Variants in THSD7A observed in about 807,000 individuals in gnomAD.
The protein encoded by THSD7A is thrombospondin type-1 domain-containing protein 7A.
Under a neutral mutation model 231.3 loss-of-function variants are expected in THSD7A, and 96 were observed. The ratio of observed to expected loss-of-function variants is 0.41; its 90% CI spans 0.35 to 0.49. The LOEUF (loss-of-function observed/expected upper bound fraction) is 0.49, where lower values mean the gene tolerates loss of function less well. THSD7A is among the 20% of genes least tolerant of loss of function. THSD7A has a pLI of 0.05. For missense variants in THSD7A, 2,290 were observed against 2,070.2 expected (o/e 1.11, Z -2.06); for synonymous variants, 940 against 743.3 (o/e 1.26, Z -4.30).
At chr7:11,398,049 G>A (rs1783256637) in intron 23 of THSD7A, among the ~76,000 whole-genome samples, 1 of 152,078 alleles carries the variant, frequency 6.6e-6, no homozygotes, top group Non-Finnish European at 1.5e-5. Flanking sequence ...TATACACAAA[G>A]GATTATAAAT....
chr7:11,611,294 T>C (rs1166524363), intron 2 of THSD7A, among the ~76,000 whole-genome samples: 3 of 152,054 alleles, frequency 2.0e-5, no homozygotes, highest in Non-Finnish European at 4.4e-5. Flanking sequence ...GATGACACTT[T>C]TACATATATG....
chr7:11,426,084 A>G (rs948933484), intron 15 of THSD7A, among the ~76,000 whole-genome samples: 1 of 150,624 alleles, frequency 6.6e-6, no homozygotes, highest in Non-Finnish European at 1.5e-5. Context: ...TAAAAAAAAA[A>G]TGCACTGTTG....
intron 1 of THSD7A, among the ~76,000 whole-genome samples, chr7:11,793,458 C>G (rs1784020965): frequency 6.6e-6 from 1 of 151,362 alleles, no homozygotes; most frequent in Non-Finnish European, 1.5e-5. Flanking sequence ...AATAAATAAG[C>G]AAAAACTGAA....
At chr7:11,730,466 C>T (rs948859381) in intron 1 of THSD7A, among the ~76,000 whole-genome samples, 4 of 151,286 alleles carry the variant, frequency 2.6e-5, no homozygotes, top group Non-Finnish European at 5.9e-5. Context: ...ACAGTTAAAG[C>T]GTTATTTACG....
In THSD7A at chr7:11,723,450, A is replaced by C. The variant is rs1199857195; in HGVS notation, c.191-86489T>G. 2.0e-5 allele frequency among the ~76,000 whole-genome samples: 3 copies of C among 152,072 alleles called. No individual in the cohort carries two copies. The East Asian group carries it at 5.9e-4, about 30-fold the overall frequency. On this transcript the variant is annotated intron_variant, in intron 1 of 27. Coordinates refer to ENST00000423059, the MANE Select transcript of THSD7A (RefSeq NM_015204.3). ...TGTAACAAACCTGCACACTGTGCAC[A>C]TGTACCCTAAAACTTAAAGTATAAT...
intron 6 of THSD7A, among the ~76,000 whole-genome samples, chr7:11,524,179 G>A (rs1788381136): frequency 6.6e-6 from 1 of 152,064 alleles, no homozygotes; most frequent in African/African-American, 2.4e-5. Context: ...ATTGTACCCT[G>A]GCTCTGTGGT....
chr7:11,657,980 T>C (rs988919879), intron 1 of THSD7A, among the ~76,000 whole-genome samples: 3 of 151,696 alleles, frequency 2.0e-5, no homozygotes, highest in Non-Finnish European at 2.9e-5. Flanking sequence ...GTCAAGGTTA[T>C]AGAACACTCA....
chr7:11,451,238 G>T lies in THSD7A; in HGVS notation c.2606-3814C>A, dbSNP rs137930370. 3.3e-5 allele frequency among the ~76,000 whole-genome samples: 5 copies of T among 152,134 alleles called. No homozygotes were observed. In the East Asian group the frequency reaches 9.7e-4, roughly 29 times the overall value. On this transcript the variant is annotated intron_variant, in intron 11 of 27. Transcript: ENST00000423059. The stretch of plus-strand genomic sequence containing the variant: ...AAATACACGAACCAAATGCAACGTG[G>T]AGACCTTTTGGAACCTCAGTTTGAA...
chr7:11,389,962 G>C (rs924833284), intron 23 of THSD7A, among the ~76,000 whole-genome samples: 14 of 152,308 alleles, frequency 9.2e-5, no homozygotes, highest in Non-Finnish European at 1.6e-4. Context: ...CTGGCTTGCA[G>C]GGTTTCTGCA....
chr7:11,747,578 C>T (rs1237740666), intron 1 of THSD7A, among the ~76,000 whole-genome samples: 1 of 151,854 alleles, frequency 6.6e-6, no homozygotes, highest in Non-Finnish European at 1.5e-5. Context: ...ACACGTCAAG[C>T]TCTGTGTTGG....
chr7:11,754,234 T>C (rs551653692), intron 1 of THSD7A, among the ~76,000 whole-genome samples: 45 of 151,784 alleles, frequency 3.0e-4, no homozygotes, highest in Non-Finnish European at 6.3e-4. Context: ...CTCTGAAAAA[T>C]AGAGAATATC....
chr7:11,728,953 T>C (rs1781634428), intron 1 of THSD7A, among the ~76,000 whole-genome samples: 1 of 151,810 alleles, frequency 6.6e-6, no homozygotes, highest in South Asian at 2.1e-4. Flanking sequence ...AAATAATATT[T>C]TGAAGTATAT....
intron 23 of THSD7A, among the ~76,000 whole-genome samples, chr7:11,393,245 CAG>C (rs1434822144): frequency 6.6e-6 from 1 of 152,162 alleles, no homozygotes; most frequent in Non-Finnish European, 1.5e-5. Context: ...TCCAGGCAAA[CAG>C]GGTCTGGAGT....
Position 11,545,613 on chromosome 7 carries a change from A to T in THSD7A, c.1454-2496T>A, listed in dbSNP as rs117214650. Among the ~76,000 whole-genome samples, 804 of 152,272 alleles carry T rather than the reference A, an allele frequency of 5.3e-3. 5 individuals carry two copies. The highest frequency in any genetic ancestry group is 8.0e-3 in the Non-Finnish European group (544 of 68,022). On this transcript the variant is annotated intron_variant, in intron 4 of 27. Coordinates refer to ENST00000423059, the MANE Select transcript of THSD7A (RefSeq NM_015204.3). ...ACTGGGCTACTGAGCATCAAGATCC[A>T]TTCCTGGCCCTGAGGGGCTCCTGGG...
chr7:11,784,548 A>G (rs1334103731), intron 1 of THSD7A, among the ~76,000 whole-genome samples: 1 of 151,964 alleles, frequency 6.6e-6, no homozygotes, highest in African/African-American at 2.4e-5. Context: ...TTCATCTGCT[A>G]TTAATTTACC....
At chr7:11,721,450 C>T (rs1781348859) in intron 1 of THSD7A, among the ~76,000 whole-genome samples, 1 of 151,852 alleles carries the variant, frequency 6.6e-6, no homozygotes, top group Non-Finnish European at 1.5e-5. Context: ...CCTGCTGCCC[C>T]TTTGCCTTCT....
At chr7:11,770,157 A>G (rs1783176413) in intron 1 of THSD7A, among the ~76,000 whole-genome samples, 2 of 152,064 alleles carry the variant, frequency 1.3e-5, no homozygotes, top group Admixed American at 1.3e-4. Flanking sequence ...TAATAAAACT[A>G]TTTTGTTTTC....
intron 2 of THSD7A, among the ~76,000 whole-genome samples, chr7:11,629,436 A>T (rs2681040): frequency 0.011 from 1,625 of 152,258 alleles, 17 homozygotes; most frequent in South Asian, 0.017. Context: ...CTGGCGGGCA[A>T]CTCGACGCTT....
intron 9 of THSD7A, among the ~76,000 whole-genome samples, chr7:11,464,349 C>T (rs1785618568): frequency 6.6e-6 from 1 of 151,952 alleles, no homozygotes; most frequent in Non-Finnish European, 1.5e-5. Flanking sequence ...AGGACAGACA[C>T]AGGATTAAGA....
Sources: allele counts gnomAD v4.1 joint callset (sites outside exome capture counted in the v4.1 genomes callset), GRCh38; gene constraint gnomAD v4.1.1; transcripts MANE v1.5; gene names NCBI Gene and HGNC (gene_info 2026-07-23, HGNC 2026-07-21).